ISM1: variants seen among roughly 807,000 people sequenced by gnomAD.
The protein encoded by ISM1 is isthmin-1.
A neutral mutation model predicts 46.3 loss-of-function variants in ISM1; 25 were observed. That is an observed-to-expected ratio of 0.54 (90% confidence interval 0.39 to 0.75). ISM1 has a LOEUF of 0.75. ISM1 is among the 30% of genes least tolerant of loss of function. The probability of loss-of-function intolerance (pLI) is 0.00; values close to 1 mark genes in which losing one functional copy is unlikely to be tolerated. For missense variants in ISM1, 536 were observed against 625.4 expected (o/e 0.86, Z 1.52); for synonymous variants, 255 against 256.7 (o/e 0.99, Z 0.06).
intron 2 of ISM1, 57 bp downstream of exon 2, chr20:13,270,800 T>C: frequency 9.0e-6 from 14 of 1,547,796 alleles, no homozygotes; most frequent in South Asian, 1.2e-5. Flanking sequence ...TTTTGTTTTC[T>C]GATGATTCCA....
At chr20:13,232,657 G>T (rs1429753359) in intron 1 of ISM1, among the ~76,000 whole-genome samples, 2 of 152,216 alleles carry the variant, frequency 1.3e-5, no homozygotes, top group Admixed American at 6.5e-5. Context: ...GAGCAGAATG[G>T]TTGGATCATA....
At chr20:13,321,253 T>TA in the ISM1 span, among the ~76,000 whole-genome samples, 1,293 of 57,502 alleles carry the variant, frequency 0.022, 55 homozygotes, top group African/African-American at 0.029. Flanking sequence ...GTGCCCCACA[T>TA]AAAAAAAAAA....
intron 1 of ISM1, among the ~76,000 whole-genome samples, chr20:13,239,946 A>G (rs2039699172): frequency 1.3e-5 from 2 of 152,234 alleles, no homozygotes; most frequent in African/African-American, 4.8e-5. Context: ...AAAGAGAATT[A>G]GAGTAAGTGT....
chr20:13,232,869 G>A (rs928328989), intron 1 of ISM1, among the ~76,000 whole-genome samples: 3 of 152,202 alleles, frequency 2.0e-5, no homozygotes, highest in Non-Finnish European at 4.4e-5. Context: ...GAAAGAAGGA[G>A]AGAAGATACT....
rs184620764 is a variant in ISM1 at position 13,256,265 on chromosome 20, G to A, written c.139-14239G>A. Among the ~76,000 whole-genome samples, 25 of 151,944 alleles carry A rather than the reference G, an allele frequency of 1.6e-4. 1 individual carries two copies. The highest frequency in any genetic ancestry group is 4.8e-4 in the African/African-American group (20 of 41,420). ...ACAAAAATTAGCCAGGCGTGGTGGCGGGTGCCTGTAATCCCAGCTATTCAG... is the reference window on the plus strand; with the variant it reads ...ACAAAAATTAGCCAGGCGTGGTGGCAGGTGCCTGTAATCCCAGCTATTCAG... On this transcript the variant is annotated intron_variant, in intron 1 of 5. Transcript: ENST00000262487.
chr20:13,247,952 G>C (rs2039820453), intron 1 of ISM1, among the ~76,000 whole-genome samples: 1 of 152,148 alleles, frequency 6.6e-6, no homozygotes, highest in Non-Finnish European at 1.5e-5. Context: ...TTGCCTTTGT[G>C]GGTCTGATAC....
At chr20:13,232,292 C>T (rs2039597850) in intron 1 of ISM1, among the ~76,000 whole-genome samples, 1 of 152,178 alleles carries the variant, frequency 6.6e-6, no homozygotes, top group South Asian at 2.1e-4. Context: ...TGAAAAGTTT[C>T]CTTGTGCTCC....
intron 1 of ISM1, among the ~76,000 whole-genome samples, chr20:13,243,654 A>T (rs1195764812): frequency 1.2e-5 from 1 of 85,876 alleles, no homozygotes; most frequent in Non-Finnish European, 2.4e-5. Flanking sequence ...AGCTATGAAT[A>T]AAAAAAAATT....
At chr20:13,306,563 A>T in the ISM1 span, among the ~76,000 whole-genome samples, 2 of 70,502 alleles carry the variant, frequency 2.8e-5, no homozygotes, top group Non-Finnish European at 6.8e-5. Flanking sequence ...AGGAGAAAGG[A>T]CAAAAAAAAA....
At chr20:13,306,564 C>CAAAAAAAAAAAAAAAAAAGA in the ISM1 span, among the ~76,000 whole-genome samples, 1 of 63,914 alleles carries the variant, frequency 1.6e-5, no homozygotes, top group Non-Finnish European at 2.6e-5. Flanking sequence ...GGAGAAAGGA[C>CAAAAAAAAAAAAAAAAAAGA]AAAAAAAAAA....
At chr20:13,304,094 A>C (rs929777830), downstream of ISM1, among the ~76,000 whole-genome samples, 3 of 152,186 alleles carry the variant, frequency 2.0e-5, no homozygotes, top group Non-Finnish European at 4.4e-5. Context: ...TCTGTTCAAA[A>C]GGTAGAAAGC....
At chr20:13,251,665 G>C (rs1426401031) in intron 1 of ISM1, among the ~76,000 whole-genome samples, 2 of 152,178 alleles carry the variant, frequency 1.3e-5, no homozygotes, top group African/African-American at 2.4e-5. Flanking sequence ...TTTGGTCAGA[G>C]AGCAAGCAAG....
intron 5 of ISM1, 70 bp downstream of exon 5, chr20:13,292,533 G>T: frequency 1.1e-6 from 1 of 931,892 alleles, no homozygotes; most frequent in East Asian, 2.6e-5. Context: ...CTTTTGCAAT[G>T]CCATCCTTGG....
the ISM1 span, among the ~76,000 whole-genome samples, chr20:13,316,743 A>T: frequency 2.1e-5 from 3 of 141,904 alleles, no homozygotes; most frequent in South Asian, 4.3e-4. Flanking sequence ...CATTCATTAT[A>T]AAAAAAAAAA....
intron 3 of ISM1, among the ~76,000 whole-genome samples, chr20:13,280,455 G>T (rs1303976015): frequency 6.6e-6 from 1 of 151,194 alleles, no homozygotes; most frequent in Non-Finnish European, 1.5e-5. Context: ...TGTTTTGGGA[G>T]TAGGATAAGT....
the ISM1 span, among the ~76,000 whole-genome samples, chr20:13,311,243 T>TAGATAGATAGATGATTGATAGATA: frequency 7.8e-6 from 1 of 127,860 alleles, no homozygotes. Flanking sequence ...GATAGATAGA[T>TAGATAGATAGATGATTGATAGATA]GATAGATAGA....
At chr20:13,246,803 C>T (rs2039799505) in intron 1 of ISM1, among the ~76,000 whole-genome samples, 1 of 152,156 alleles carries the variant, frequency 6.6e-6, no homozygotes, top group Non-Finnish European at 1.5e-5. Flanking sequence ...CAATGTAAAA[C>T]CACCTGACTG....
chr20:13,244,006 T>C (rs1227100070), intron 1 of ISM1: 1 of 152,216 alleles, frequency 6.6e-6, no homozygotes, highest in Non-Finnish European at 1.5e-5. Context: ...GTTTGTCTAT[T>C]ACCACATCTC....
In ISM1 at chr20:13,221,508, C is replaced by A. The variant is rs2039446251; in HGVS notation, c.-269C>A. 6.9e-6 allele frequency among the ~76,000 whole-genome samples: 1 copy of A among 144,878 alleles called. No homozygotes were observed. Among genetic ancestry groups the A allele is most frequent in the African/African-American group, 2.5e-5 (1 of 40,376 alleles). Reference sequence around the variant, plus strand: ...CCAGGCAGCGCCGGGGCTTGCTCCGCAGCCGGCTTGGACACCCCCGGCCTC... The same window carrying A: ...CCAGGCAGCGCCGGGGCTTGCTCCGAAGCCGGCTTGGACACCCCCGGCCTC... On this transcript the variant is annotated 5_prime_UTR_variant, in exon 1 of 6. Coordinates refer to ENST00000262487, the MANE Select transcript of ISM1 (RefSeq NM_080826.2).
Sources: gnomAD v4.1 joint callset for allele counts (sites outside exome capture counted in the v4.1 genomes callset) on GRCh38, gnomAD v4.1.1 for gene constraint, MANE v1.5 for transcripts, NCBI Gene and HGNC (gene_info 2026-07-23, HGNC 2026-07-21) for gene names.